Variants in SNTG1 observed in about 807,000 individuals in gnomAD.
The protein encoded by SNTG1 is gamma-1-syntrophin.
A neutral mutation model predicts 74.7 loss-of-function variants in SNTG1; 39 were observed. The ratio of observed to expected loss-of-function variants is 0.52; its 90% CI spans 0.40 to 0.68. SNTG1 has a LOEUF of 0.68. Ranked by LOEUF, SNTG1 falls within the 30% of genes least tolerant of loss-of-function variation. The probability of loss-of-function intolerance (pLI) is 0.00; values close to 1 mark genes in which losing one functional copy is unlikely to be tolerated. For synonymous variants in SNTG1, 254 were observed against 217.1 expected (o/e 1.17, Z -1.49); for missense variants, 685 against 609.5 (o/e 1.12, Z -1.30).
At chr8:50,772,124 C>A (rs1010427533) in intron 18 of SNTG1, among the ~76,000 whole-genome samples, 3 of 151,998 alleles carry the variant, frequency 2.0e-5, no homozygotes, top group East Asian at 1.9e-4. Context: ...CTACTGGGGC[C>A]ACCATTGAGA....
At chr8:50,772,925 G>C (rs1585755200) in intron 18 of SNTG1, among the ~76,000 whole-genome samples, 2 of 152,060 alleles carry the variant, frequency 1.3e-5, no homozygotes, top group South Asian at 4.1e-4. Context: ...GATCTCTTTG[G>C]ACATGCCCAC....
At chr8:50,589,590 TAA>T (rs36003784) in intron 12 of SNTG1, among the ~76,000 whole-genome samples, 22,987 of 140,124 alleles carry the variant, frequency 0.16, 4,656 homozygotes, top group African/African-American at 0.47. Context: ...TTTTTCAGAT[TAA>T]AAAAAAAAAA....
At chr8:50,139,968 CAT>C (rs2131458776) in intron 1 of SNTG1, among the ~76,000 whole-genome samples, 1 of 152,340 alleles carries the variant, frequency 6.6e-6, no homozygotes, top group East Asian at 1.9e-4. Flanking sequence ...AAGCTTTTCA[CAT>C]GTCACTAGCG....
rs2092817931 is a variant in SNTG1 at position 50,402,363 on chromosome 8, T to G, written c.162+19T>G. 1 of 1,566,620 alleles carries G rather than the reference T, an allele frequency of 6.4e-7. No individual in the cohort carries two copies. Among genetic ancestry groups the G allele is most frequent in the Admixed American group, 2.2e-5 (1 of 45,758 alleles). On this transcript the variant is annotated intron_variant, in intron 4 of 18. Coordinates refer to ENST00000642720, the MANE Select transcript of SNTG1 (RefSeq NM_018967.5). The stretch of plus-strand genomic sequence containing the variant: ...TTCTGGTGTAAGTAGCTTTTTCTTC[T>G]GTTGAAATTTTTTGTGTTTGTTTTT...
At chr8:50,750,612 G>A (rs904982687) in intron 17 of SNTG1, among the ~76,000 whole-genome samples, 40 of 151,972 alleles carry the variant, frequency 2.6e-4, no homozygotes, top group African/African-American at 8.9e-4. Context: ...ATCCTGATGA[G>A]CCAGCAGCTG....
At chr8:50,080,613 G>C (rs1371764434) in intron 1 of SNTG1, among the ~76,000 whole-genome samples, 2 of 151,988 alleles carry the variant, frequency 1.3e-5, no homozygotes, top group Non-Finnish European at 2.9e-5. Flanking sequence ...GTATTATTTT[G>C]AGTTATTTTA....
chr8:50,530,010 T>A (rs1024853464), intron 9 of SNTG1, among the ~76,000 whole-genome samples, 167 bp from the exon 10 acceptor site: 10 of 152,180 alleles, frequency 6.6e-5, no homozygotes, highest in African/African-American at 2.4e-4. Context: ...CTGTAGTCAC[T>A]TGGCTTACTT....
chr8:50,723,244 A>G (rs1291130648), intron 17 of SNTG1, among the ~76,000 whole-genome samples: 1 of 152,170 alleles, frequency 6.6e-6, no homozygotes, highest in African/African-American at 2.4e-5. Context: ...CAGGCTTTAA[A>G]ATATTCAAAA....
intron 1 of SNTG1, among the ~76,000 whole-genome samples, chr8:49,987,404 C>T (rs1182510219): frequency 6.6e-6 from 1 of 152,074 alleles, no homozygotes; most frequent in Non-Finnish European, 1.5e-5. Flanking sequence ...CAAAGGCATA[C>T]TGCAGGATAA....
chr8:50,745,699 T>G (rs1367881582), intron 17 of SNTG1, among the ~76,000 whole-genome samples: 2 of 151,974 alleles, frequency 1.3e-5, no homozygotes, highest in Non-Finnish European at 1.5e-5. Flanking sequence ...ATTGGGATTT[T>G]CAGACAATGG....
chr8:50,661,404 G>C (rs2095222565), intron 15 of SNTG1, among the ~76,000 whole-genome samples: 1 of 152,096 alleles, frequency 6.6e-6, no homozygotes, highest in Admixed American at 6.6e-5. Context: ...CCTCCTACAA[G>C]TCATCTTAAC....
intron 1 of SNTG1, among the ~76,000 whole-genome samples, chr8:50,025,143 A>G (rs930784953): frequency 2.0e-5 from 3 of 152,144 alleles, no homozygotes; most frequent in African/African-American, 7.2e-5. Flanking sequence ...TGAAAGATAT[A>G]CAAAACCAAG....
chr8:50,727,023 G>A (rs762595043), intron 17 of SNTG1, among the ~76,000 whole-genome samples: 1 of 152,054 alleles, frequency 6.6e-6, no homozygotes, highest in Non-Finnish European at 1.5e-5. Flanking sequence ...AAGGGAGTGG[G>A]CTTACATTAT....
At chr8:49,943,872 A>G (rs1224123809) in intron 1 of SNTG1, among the ~76,000 whole-genome samples, 2 of 152,140 alleles carry the variant, frequency 1.3e-5, no homozygotes, top group East Asian at 3.8e-4. Flanking sequence ...AGTTTAAATG[A>G]TTAGTTTTTG....
At chr8:50,396,966 T>C (rs1208988227) in intron 3 of SNTG1, among the ~76,000 whole-genome samples, 1 of 152,204 alleles carries the variant, frequency 6.6e-6, no homozygotes, top group East Asian at 1.9e-4. Flanking sequence ...GCAGAAAGCA[T>C]AGCTAATTAA....
At chr8:50,116,617 GC>G (rs1320737821) in intron 1 of SNTG1, among the ~76,000 whole-genome samples, 1 of 152,150 alleles carries the variant, frequency 6.6e-6, no homozygotes, top group East Asian at 1.9e-4. Context: ...CACAAAGCAT[GC>G]CCATTGGATG....
At chr8:50,615,192 C>T (rs999152342) in intron 13 of SNTG1, among the ~76,000 whole-genome samples, 1 of 152,084 alleles carries the variant, frequency 6.6e-6, no homozygotes. Flanking sequence ...GATCTCTTGA[C>T]CTCATGATCT....
At chr8:50,645,710 T>C (rs975131050) in intron 13 of SNTG1, among the ~76,000 whole-genome samples, 3 of 152,212 alleles carry the variant, frequency 2.0e-5, no homozygotes, top group African/African-American at 2.4e-5. Flanking sequence ...GTGGAACACT[T>C]AGGCTGCAAC....
chr8:50,581,418 C>T (rs1256257832), intron 12 of SNTG1, among the ~76,000 whole-genome samples: 1 of 152,134 alleles, frequency 6.6e-6, no homozygotes, highest in Non-Finnish European at 1.5e-5. Flanking sequence ...ATCATATTTA[C>T]TCTATATTTT....
Sources: allele counts gnomAD v4.1 joint callset (sites outside exome capture counted in the v4.1 genomes callset), GRCh38; gene constraint gnomAD v4.1.1; transcripts MANE v1.5; gene names NCBI Gene and HGNC (gene_info 2026-07-23, HGNC 2026-07-21).